PRKAA1: variants seen among roughly 807,000 people sequenced by gnomAD.
PRKAA1 encodes the protein protein kinase AMP-activated catalytic subunit alpha 1, also known as 5'-AMP-activated protein kinase catalytic subunit alpha-1.
A neutral mutation model predicts 56.9 loss-of-function variants in PRKAA1; 23 were observed. The ratio of observed to expected loss-of-function variants is 0.40; its 90% CI spans 0.29 to 0.57. The LOEUF is 0.57. Among genes scored for constraint, PRKAA1 ranks in the 20% least tolerant of loss-of-function variants. The pLI is 0.39. For synonymous variants in PRKAA1, 226 were observed against 227.0 expected (o/e 1.00, Z 0.04); for missense variants, 413 against 679.7 (o/e 0.61, Z 4.36).
chr5:40,777,308 C>T (rs1744056260), intron 2 of PRKAA1, 137 bp downstream of exon 2: 1 of 981,182 alleles, frequency 1.0e-6, no homozygotes, highest in Non-Finnish European at 1.5e-6. Context: ...CCACCGCACA[C>T]AGCCTAGGAA....
chr5:40,766,271 T>C (rs1003525023), intron 6 of PRKAA1, among the ~76,000 whole-genome samples: 1 of 152,218 alleles, frequency 6.6e-6, no homozygotes, highest in Non-Finnish European at 1.5e-5. Flanking sequence ...AATCTTTCCT[T>C]CTTCTTCATT....
At chr5:40,785,837 C>CAGAGAGAGAGAGAGAGAGAGAGAGAG (rs70988809) in intron 1 of PRKAA1, among the ~76,000 whole-genome samples, 1 of 52,414 alleles carries the variant, frequency 1.9e-5, no homozygotes, top group African/African-American at 5.6e-5. Flanking sequence ...CACACACACA[C>CAGAGAGAGAGAGAGAGAGAGAGAGAG]ACAGAGAGAG....
rs1743518212 is a variant in PRKAA1 at position 40,767,481 on chromosome 5, G to C, written c.806C>G (p.Thr269Arg). The C allele has an allele frequency of 6.2e-7, 1 of 1,607,490 alleles. No individual in the cohort carries two copies. Among genetic ancestry groups the C allele is most frequent in the African/African-American group, 1.3e-5 (1 of 74,136 alleles). The change falls in exon 6 of 9, where the codon ACA becomes AGA. Residue 269 changes from threonine to arginine, a missense_variant. By Grantham distance (71) the Thr-to-Arg change is moderately conservative (BLOSUM62 -1). Coordinates refer to ENST00000397128, the MANE Select transcript of PRKAA1 (RefSeq NM_006251.6). ...MLQVDPMKRA[T>R]IKDIREHEWF... ...GCTTTATTACCTGATATCTTTGATT[G>C]TGGCCCTCTTCATGGGATCCACCTG...
intron 1 of PRKAA1, among the ~76,000 whole-genome samples, chr5:40,788,552 CA>C (rs1213581501): frequency 6.6e-6 from 1 of 152,054 alleles, no homozygotes; most frequent in Non-Finnish European, 1.5e-5. Flanking sequence ...CAGCAAAAAA[CA>C]AACAAACAGG....
chr5:40,797,920 A>G (rs1304741083), intron 1 of PRKAA1, 143 bp downstream of exon 1: 2 of 1,138,130 alleles, frequency 1.8e-6, no homozygotes, highest in Non-Finnish European at 1.1e-6. Flanking sequence ...GCGGCTGGGG[A>G]GAGCTCCCGC....
rs1743199261 is a variant in PRKAA1 at position 40,761,768 on chromosome 5, T to G, written c.*1010A>C. The G allele has an allele frequency of 6.6e-6, 1 of 152,324 alleles. No individual in the cohort carries two copies. The highest frequency in any genetic ancestry group is 2.4e-5 in the African/African-American group (1 of 41,432). 9.4% of individuals were successfully genotyped at this position (152,324 alleles called of 1,614,324 possible). ...GAGGAATTTGTGAAATTGGCAAAAATAATATGATTTATCTACAGTATATGC... is the reference window on the plus strand; with the variant it reads ...GAGGAATTTGTGAAATTGGCAAAAAGAATATGATTTATCTACAGTATATGC... On this transcript the variant is annotated 3_prime_UTR_variant, in exon 9 of 9. Coordinates refer to ENST00000397128, the MANE Select transcript of PRKAA1 (RefSeq NM_006251.6).
In PRKAA1 at chr5:40,771,824, G is replaced by C. The variant is rs975410782; in HGVS notation, c.403C>G (p.Leu135Val). The change falls in exon 4 of 9, where the codon CTT (leucine) becomes GTT (valine). Residue 135 changes from leucine to valine, a missense_variant. Coordinates refer to ENST00000397128, the MANE Select transcript of PRKAA1 (RefSeq NM_006251.6). Reference sequence around the variant, plus strand: ...CTGTGACAATAATCCACACCAGAAAGGATCTGTTGGAACAGACGCCGACTT... The same window carrying C: ...CTGTGACAATAATCCACACCAGAAACGATCTGTTGGAACAGACGCCGACTT... ...KESRRLFQQI[L>V]SGVDYCHRHM... 3 of 1,611,800 alleles carry C rather than the reference G, an allele frequency of 1.9e-6. No homozygotes were observed. The highest frequency in any genetic ancestry group is 1.7e-6 in the Non-Finnish European group (2 of 1,179,522).
chr5:40,790,759 C>T (rs1287843322), intron 1 of PRKAA1, among the ~76,000 whole-genome samples: 1 of 152,048 alleles, frequency 6.6e-6, no homozygotes, highest in Non-Finnish European at 1.5e-5. Flanking sequence ...AGGATGGTCT[C>T]AATATCTTGA....
intron 1 of PRKAA1, among the ~76,000 whole-genome samples, chr5:40,783,710 G>T (rs532036010): frequency 6.6e-6 from 1 of 152,104 alleles, no homozygotes; most frequent in South Asian, 2.1e-4. Context: ...AGTGAGCGGA[G>T]ATCATGCCAC....
chr5:40,775,047 A>G lies in PRKAA1; in HGVS notation c.363+363T>C, dbSNP rs1025615481. On this transcript the variant is annotated intron_variant, in intron 3 of 8. Coordinates refer to ENST00000397128, the MANE Select transcript of PRKAA1 (RefSeq NM_006251.6). Reference sequence around the variant, plus strand: ...AAGGCCTAGATCTTTAAGTAATAATAATATATTTTGTAACGATTAATTACA... The same window carrying G: ...AAGGCCTAGATCTTTAAGTAATAATGATATATTTTGTAACGATTAATTACA... 4 of 1,068,726 alleles carry G rather than the reference A, an allele frequency of 3.7e-6. No homozygotes were observed. The African/African-American group carries it at 6.4e-5, about 17-fold the overall frequency. 66.2% of individuals were successfully genotyped at this position (1,068,726 alleles called of 1,614,324 possible).
At chr5:40,771,544 T>C (rs772076897) in intron 4 of PRKAA1, among the ~76,000 whole-genome samples, 175 bp downstream of exon 4, 2 of 152,192 alleles carry the variant, frequency 1.3e-5, no homozygotes, top group Non-Finnish European at 2.9e-5. Context: ...TAAGAAAAGA[T>C]GATTTCTTAG....
At position 40,762,204 on chromosome 5, in the gene PRKAA1, G is replaced by C. The variant is rs1743222963; in HGVS notation, c.*574C>G. ...GGAGAATCACTTGAACCCGGGAGGTGGAGGTTGCAGTGAGCCGAGACCACA... is the reference window on the plus strand; with the variant it reads ...GGAGAATCACTTGAACCCGGGAGGTCGAGGTTGCAGTGAGCCGAGACCACA... On this transcript the variant is annotated 3_prime_UTR_variant, in exon 9 of 9. Transcript: ENST00000397128. The C allele has an allele frequency of 6.6e-6, 1 of 152,566 alleles. No homozygotes were observed. The highest frequency in any genetic ancestry group is 1.9e-4 in the East Asian group (1 of 5,178). The allele number at this position is 152,566 out of a possible 1,614,324, so 9.5% of individuals were successfully genotyped here. A position where few individuals can be genotyped will look rare whatever the true frequency, so the allele number is the denominator to read the frequency against.
intron 8 of PRKAA1, chr5:40,764,230 C>G (rs1743318578): frequency 4.7e-6 from 1 of 212,632 alleles, no homozygotes; most frequent in Non-Finnish European, 9.2e-6. Flanking sequence ...AAATGAACTA[C>G]ACCAAAAAAA....
At chr5:40,785,562 A>G (rs906130554) in intron 1 of PRKAA1, among the ~76,000 whole-genome samples, 1 of 151,932 alleles carries the variant, frequency 6.6e-6, no homozygotes, top group Non-Finnish European at 1.5e-5. Context: ...TTACTAATAC[A>G]TTCTATCAAA....
rs1389372463 is a variant in PRKAA1 at position 40,764,631 on chromosome 5, G to A, written c.1318C>T (p.Pro440Ser). Residue 440 changes from proline (P) to serine (S), a missense_variant, in exon 8 of 9, where the codon CCA (proline) becomes TCA (serine). Physicochemically the swap from Pro to Ser is moderately conservative, Grantham distance 74. This residue lies in a region of PRKAA1 where 139 missense variants were observed against 171.5 expected (regional missense o/e 0.81). Transcript: ENST00000397128. Reference protein sequence around the residue: ...QLDYEWKVVNPYYLRVRRKNP... With the variant: ...QLDYEWKVVNSYYLRVRRKNP... ...TTCCTTCGTACACGCAAATAATATGGGTTTACAACCTAGCACATGGTATAA... is the reference window on the plus strand; with the variant it reads ...TTCCTTCGTACACGCAAATAATATGAGTTTACAACCTAGCACATGGTATAA... The A allele has an allele frequency of 6.2e-7, 1 of 1,613,306 alleles. No homozygotes were observed. Among genetic ancestry groups the A allele is most frequent in the Non-Finnish European group, 8.5e-7 (1 of 1,179,798 alleles).
At chr5:40,786,086 C>G (rs933490998) in intron 1 of PRKAA1, among the ~76,000 whole-genome samples, 1 of 152,104 alleles carries the variant, frequency 6.6e-6, no homozygotes, top group African/African-American at 2.4e-5. Context: ...GAAACTCCAT[C>G]TCTACTAAAA....
chr5:40,768,440 T>A, intron 5 of PRKAA1: 1 of 927,940 alleles, frequency 1.1e-6, no homozygotes, highest in Non-Finnish European at 1.3e-6. Flanking sequence ...ACAGTCTCCA[T>A]GTCCTGAATT....
intron 6 of PRKAA1, among the ~76,000 whole-genome samples, chr5:40,767,067 C>T (rs1329362936): frequency 6.6e-6 from 1 of 151,996 alleles, no homozygotes; most frequent in Non-Finnish European, 1.5e-5. Flanking sequence ...TATGGGGCCT[C>T]GCTATGTTAC....
At chr5:40,774,934 C>G in intron 3 of PRKAA1, 1 of 1,600,074 alleles carries the variant, frequency 6.2e-7, no homozygotes. Context: ...CTACCTCCTT[C>G]GTGGAGCCTG....
Sources: allele counts gnomAD v4.1 joint callset (sites outside exome capture counted in the v4.1 genomes callset), GRCh38; gene constraint gnomAD v4.1.1; regional missense constraint gnomAD v4.1.1; transcripts MANE v1.5; gene names NCBI Gene and HGNC (gene_info 2026-07-23, HGNC 2026-07-21).